CHD1: variants seen among roughly 807,000 people sequenced by gnomAD.
The protein encoded by CHD1 is chromodomain helicase DNA binding protein 1, also known as ATP-dependent chromatin remodeler CHD1.
A neutral mutation model predicts 224.2 loss-of-function variants in CHD1; 36 were observed. The ratio of observed to expected loss-of-function variants is 0.16; its 90% confidence interval spans 0.12 to 0.21. The LOEUF (loss-of-function observed/expected upper bound fraction) is 0.21, where lower values mean the gene tolerates loss of function less well. Among genes scored for constraint, CHD1 ranks in the 10% least tolerant of loss-of-function variants. The pLI, the probability that CHD1 is intolerant of heterozygous loss-of-function variation, is 1.00. For synonymous variants in CHD1, 668 were observed against 658.3 expected (o/e 1.01, Z -0.23); for missense variants, 1,378 against 1,994.8 (o/e 0.69, Z 5.89).
intron 33 of CHD1, 99 bp downstream of exon 33, chr5:98,859,873 T>G: frequency 1.7e-6 from 1 of 597,380 alleles, no homozygotes; most frequent in Non-Finnish European, 2.9e-6. Flanking sequence ...TAAATTTATC[T>G]TATTCATTCT....
At chr5:98,902,464 T>C (rs1256715891) in intron 5 of CHD1, among the ~76,000 whole-genome samples, 1 of 152,060 alleles carries the variant, frequency 6.6e-6, no homozygotes, top group African/African-American at 2.4e-5. Flanking sequence ...TCCAGATCTT[T>C]AGGAAATTAC....
intron 22 of CHD1, among the ~76,000 whole-genome samples, chr5:98,880,473 C>T (rs1750094594): frequency 6.6e-6 from 1 of 152,184 alleles, no homozygotes; most frequent in South Asian, 2.1e-4. Flanking sequence ...CAAATGAACA[C>T]ATGAAATGAA....
chr5:98,879,588 A>G lies in CHD1; in HGVS notation c.3201T>C (p.Ile1067=). The change falls in exon 23 of 36, where the codon ATT becomes ATC. Residue 1067 remains isoleucine (I), a synonymous_variant. Transcript: ENST00000614616. ...EEERQKELEE[I]YMLPRMRNCA... ...AATTTCTCATTCTTGGGAGCATATA[A>G]ATTTCTTCAAGTTCCTTTTGTCTTT... The G allele has an allele frequency of 1.2e-6, 2 of 1,600,776 alleles. No homozygotes were observed. The highest frequency in any genetic ancestry group is 1.7e-6 in the Non-Finnish European group (2 of 1,176,946).
chr5:98,916,981 A>G (rs1752774041), intron 2 of CHD1, among the ~76,000 whole-genome samples: 1 of 152,170 alleles, frequency 6.6e-6, no homozygotes, highest in Non-Finnish European at 1.5e-5. Context: ...AGAACTGTGA[A>G]AACAGTATTA....
intron 12 of CHD1, among the ~76,000 whole-genome samples, chr5:98,895,222 C>T (rs941664525): frequency 1.3e-5 from 2 of 152,016 alleles, no homozygotes; most frequent in Non-Finnish European, 2.9e-5. Context: ...AATTTTAAAG[C>T]ACATCTTTCA....
At chr5:98,909,689 T>G (rs1460075800) in intron 2 of CHD1, among the ~76,000 whole-genome samples, 1 of 152,178 alleles carries the variant, frequency 6.6e-6, no homozygotes, top group Non-Finnish European at 1.5e-5. Context: ...AAAAGGGGTT[T>G]TATTTCTTTT....
At chr5:98,927,770 T>C (rs1278456564) in intron 1 of CHD1, among the ~76,000 whole-genome samples, 2 of 152,186 alleles carry the variant, frequency 1.3e-5, no homozygotes, top group Admixed American at 1.3e-4. Flanking sequence ...CACCTTCCTT[T>C]CGTCCCTCAA....
intron 18 of CHD1, chr5:98,883,731 T>G (rs545366169): frequency 1.5e-4 from 25 of 162,178 alleles, no homozygotes; most frequent in African/African-American, 6.1e-4. Context: ...AACAAGAAGA[T>G]AAACTGTGGT....
chr5:98,926,651 A>G lies in CHD1; in HGVS notation c.-148-117T>C, dbSNP rs577908402. 1.7e-5 allele frequency: 4 copies of G among 241,902 alleles called. No homozygotes were observed. The South Asian group carries it at 5.9e-4, about 36-fold the overall frequency. 15.0% of individuals were successfully genotyped at this position (241,902 alleles called of 1,614,324 possible). On this transcript the variant is annotated intron_variant, in intron 1 of 35. Coordinates refer to ENST00000614616, the MANE Select transcript of CHD1 (RefSeq NM_001270.4). ...ATTAGACTACAGCTGTTAAGGAAGA[A>G]GTGGGGGCCTTTTATTAAATACTTA...
chr5:98,885,382 ACT>A (rs1170987714), intron 18 of CHD1, among the ~76,000 whole-genome samples, 194 bp downstream of exon 18: 6 of 152,080 alleles, frequency 3.9e-5, no homozygotes, highest in Admixed American at 3.9e-4. Flanking sequence ...ACAGAGTGAG[ACT>A]CTGTCTCAAA....
At chr5:98,913,431 T>C (rs1224892595) in intron 2 of CHD1, among the ~76,000 whole-genome samples, 1 of 152,122 alleles carries the variant, frequency 6.6e-6, no homozygotes, top group Non-Finnish European at 1.5e-5. Flanking sequence ...CTATCAACTG[T>C]GCCACTGCAC....
At chr5:98,896,040 T>TA (rs1751324933) in intron 12 of CHD1, among the ~76,000 whole-genome samples, 186 bp downstream of exon 12, 1 of 151,958 alleles carries the variant, frequency 6.6e-6, no homozygotes, top group Non-Finnish European at 1.5e-5. Flanking sequence ...CTGTCTCCAC[T>TA]AAAAAATATA....
chr5:98,880,313 T>C (rs188974), intron 22 of CHD1, among the ~76,000 whole-genome samples: 1,804 of 152,330 alleles, frequency 0.012, 31 homozygotes, highest in African/African-American at 0.041. Context: ...TTAACCAGGA[T>C]TACTCAACAT....
At chr5:98,900,603 C>T (rs138650526) in intron 7 of CHD1, among the ~76,000 whole-genome samples, 1 of 152,018 alleles carries the variant, frequency 6.6e-6, no homozygotes, top group East Asian at 2.0e-4. Flanking sequence ...CCTCACCTAG[C>T]TAATCTTTTC....
chr5:98,897,536 A>G (rs1033390772), intron 10 of CHD1, among the ~76,000 whole-genome samples: 1 of 152,154 alleles, frequency 6.6e-6, no homozygotes, highest in Non-Finnish European at 1.5e-5. Context: ...TCTTTTTTAA[A>G]CAAAAATGTA....
rs370545471 is a variant in CHD1, at chr5:98,881,247, C to G, written c.2964+32G>C. 5 of 1,151,920 alleles carry G rather than the reference C, an allele frequency of 4.3e-6. No homozygotes were observed. The Admixed American group carries it at 1.4e-4, about 33-fold the overall frequency. 71.4% of individuals were successfully genotyped at this position (1,151,920 alleles called of 1,614,324 possible). ...CAAATATATGACACATATTCTGAGG[C>G]AGGCCTTTTTTTTTTTTTTTTTTTT... On this transcript the variant is annotated intron_variant, in intron 21 of 35. Transcript: ENST00000614616.
chr5:98,928,241 G>A (rs990456869), intron 1 of CHD1, among the ~76,000 whole-genome samples: 2 of 151,200 alleles, frequency 1.3e-5, no homozygotes, highest in African/African-American at 2.4e-5. Context: ...CCCACGCACC[G>A]GCTAAGTGCT....
intron 5 of CHD1, among the ~76,000 whole-genome samples, chr5:98,901,653 A>T (rs1478791426): frequency 1.3e-5 from 2 of 152,002 alleles, no homozygotes; most frequent in Admixed American, 1.3e-4. Flanking sequence ...ATACTAATCC[A>T]TGCCATTTTA....
chr5:98,916,470 G>A (rs185740997), intron 2 of CHD1, among the ~76,000 whole-genome samples: 203 of 149,430 alleles, frequency 1.4e-3, no homozygotes, highest in African/African-American at 4.8e-3. Flanking sequence ...GCTTGAACCC[G>A]GGAGGCAGAG....
Sources: allele counts gnomAD v4.1 joint callset (sites outside exome capture counted in the v4.1 genomes callset), GRCh38; gene constraint gnomAD v4.1.1; transcripts MANE v1.5; gene names NCBI Gene and HGNC (gene_info 2026-07-23, HGNC 2026-07-21).